The following PAIP2 variants were observed in gnomAD, a reference collection of about 807,000 sequenced individuals.
The protein encoded by PAIP2 is poly(A) binding protein interacting protein 2, also known as polyadenylate-binding protein-interacting protein 2.
Under a neutral mutation model 14.8 loss-of-function variants are expected in PAIP2, and 7 were observed. The observed-to-expected ratio is 0.47, with a 90% CI of 0.27 to 0.89. PAIP2 has a LOEUF of 0.89. Among genes scored for constraint, PAIP2 ranks in the 40% least tolerant of loss-of-function variants. PAIP2 has a pLI of 0.13. For synonymous variants in PAIP2, 47 were observed against 45.3 expected (o/e 1.04, Z -0.15); for missense variants, 122 against 154.7 (o/e 0.79, Z 1.12).
At chr5:139,366,162 C>T (rs1007167016) in intron 3 of PAIP2, among the ~76,000 whole-genome samples, 14 of 132,792 alleles carry the variant, frequency 1.1e-4, no homozygotes, top group African/African-American at 1.4e-4. Flanking sequence ...AAGATGGTGT[C>T]GTTGCACTCT....
intron 3 of PAIP2, among the ~76,000 whole-genome samples, chr5:139,368,400 G>C (rs1027909591): frequency 6.6e-6 from 1 of 151,592 alleles, no homozygotes; most frequent in Non-Finnish European, 1.5e-5. Flanking sequence ...GTGGTGGCAC[G>C]CGCCTGTAGT....
At chr5:139,367,968 C>G (rs1269665224) in intron 3 of PAIP2, among the ~76,000 whole-genome samples, 1 of 151,940 alleles carries the variant, frequency 6.6e-6, no homozygotes, top group Non-Finnish European at 1.5e-5. Context: ...TTTTAGGAGG[C>G]CGAGGCAGGC....
At chr5:139,356,540 G>A (rs201398486) in intron 1 of PAIP2, among the ~76,000 whole-genome samples, 2 of 151,630 alleles carry the variant, frequency 1.3e-5, no homozygotes, top group East Asian at 3.9e-4. Context: ...CCTGTGTATG[G>A]GCCATACTTT....
At chr5:139,346,776 C>T (rs762599372) in intron 1 of PAIP2, among the ~76,000 whole-genome samples, 3 of 151,930 alleles carry the variant, frequency 2.0e-5, no homozygotes, top group Admixed American at 1.3e-4. Flanking sequence ...GATCCACCCC[C>T]TTTGGCCTCC....
intron 1 of PAIP2, among the ~76,000 whole-genome samples, chr5:139,355,128 G>T (rs1455340122): frequency 7.0e-6 from 1 of 143,354 alleles, no homozygotes; most frequent in Non-Finnish European, 1.5e-5. Flanking sequence ...ACCTGGCCCA[G>T]TTTACTTTTA....
At chr5:139,360,772 CCTTT>C (rs1187390768) in intron 1 of PAIP2, among the ~76,000 whole-genome samples, 3 of 150,138 alleles carry the variant, frequency 2.0e-5, no homozygotes, top group South Asian at 2.1e-4. Flanking sequence ...TTTCTTCCTG[CCTTT>C]CTTTTTTTTT....
At chr5:139,351,654 G>A (rs1756738243) in intron 1 of PAIP2, among the ~76,000 whole-genome samples, 1 of 150,060 alleles carries the variant, frequency 6.7e-6, no homozygotes, top group African/African-American at 2.5e-5. Context: ...CTTTTTTTTT[G>A]TAAGTAGTGT....
chr5:139,357,622 A>G (rs1384989848), intron 1 of PAIP2, among the ~76,000 whole-genome samples: 1 of 152,094 alleles, frequency 6.6e-6, no homozygotes, highest in Non-Finnish European at 1.5e-5. Flanking sequence ...CACGAGGTCA[A>G]GAGATCGAGA....
Position 139,364,594 on chromosome 5 carries a change from A to G in PAIP2, c.169A>G (p.Ile57Val). Residue 57 changes from isoleucine (I) to valine (V), a missense_variant, in exon 3 of 4, where the codon ATT becomes GTT. Transcript: ENST00000265192. ...IEEELWEEEFIERCFQEMLEE... is the reference protein window; with the variant it reads ...IEEELWEEEFVERCFQEMLEE... ...AGAGGAGTTATGGGAAGAAGAATTT[A>G]TTGAACGCTGTTTCCAAGAAATGCT... 6.2e-7 allele frequency: 1 copy of G among 1,607,640 alleles called. No homozygotes were observed.
chr5:139,343,878 G>A (rs1321824553), intron 1 of PAIP2, among the ~76,000 whole-genome samples: 1 of 151,666 alleles, frequency 6.6e-6, no homozygotes, highest in Non-Finnish European at 1.5e-5. Context: ...CCACCACGCC[G>A]GCTAATTTTT....
At chr5:139,346,610 C>T (rs554264687) in intron 1 of PAIP2, among the ~76,000 whole-genome samples, 2 of 152,180 alleles carry the variant, frequency 1.3e-5, no homozygotes, top group Non-Finnish European at 2.9e-5. Context: ...CAGCTCACTG[C>T]AACCTCTGCC....
At chr5:139,354,536 C>A (rs1177008868) in intron 1 of PAIP2, among the ~76,000 whole-genome samples, 1 of 152,148 alleles carries the variant, frequency 6.6e-6, no homozygotes, top group Non-Finnish European at 1.5e-5. Flanking sequence ...TTCTTAGATA[C>A]ATAGATTTGT....
At chr5:139,347,366 C>T (rs1025594529) in intron 1 of PAIP2, among the ~76,000 whole-genome samples, 7 of 151,498 alleles carry the variant, frequency 4.6e-5, no homozygotes, top group African/African-American at 7.3e-5. Context: ...CTCCACCTCC[C>T]GAGTTCAAGC....
chr5:139,344,194 A>G (rs1255387779), intron 1 of PAIP2, among the ~76,000 whole-genome samples: 1 of 152,218 alleles, frequency 6.6e-6, no homozygotes, highest in Non-Finnish European at 1.5e-5. Context: ...CCAATGTCAC[A>G]GAGCTATGAT....
Position 139,360,347 on chromosome 5 carries a change from AAAT to A in PAIP2, c.-26-3409_-26-3407del, listed in dbSNP as rs1309037329. ...GTTTTTCATCCAAGTTTAATGATAA[AAAT>A]AACAGATATCCATTGTCTGTTTTCT... On this transcript the variant is annotated intron_variant, in intron 1 of 3. Coordinates refer to ENST00000265192, the MANE Select transcript of PAIP2 (RefSeq NM_016480.5). Among the ~76,000 whole-genome samples the A allele has an allele frequency of 2.0e-5, 3 of 152,192 alleles. No homozygotes were observed. In the East Asian group the frequency reaches 5.8e-4, roughly 29 times the overall value.
rs376114476 is a variant in PAIP2, at chr5:139,356,471, C to A, written c.-26-7288C>A. ...GTCAAAAATAATAAATAAATAAAGT[C>A]TTTGTCCAATGTAATATCTGGGCTC... On this transcript the variant is annotated intron_variant, in intron 1 of 3. Transcript: ENST00000265192. Among the ~76,000 whole-genome samples, 54 of 152,080 alleles carry A rather than the reference C, an allele frequency of 3.6e-4. No homozygotes were observed. The East Asian group carries it at 8.1e-3, about 23-fold the overall frequency.
chr5:139,353,585 C>G (rs991052932), intron 1 of PAIP2, among the ~76,000 whole-genome samples: 1 of 152,004 alleles, frequency 6.6e-6, no homozygotes, highest in Non-Finnish European at 1.5e-5. Context: ...TTCCTGTCGC[C>G]CACCATTATT....
At chr5:139,367,112 A>C (rs1437477513) in intron 3 of PAIP2, 1 of 152,214 alleles carries the variant, frequency 6.6e-6, no homozygotes, top group Non-Finnish European at 1.5e-5. Context: ...ACACTTTTAA[A>C]ATGTAGATAC....
chr5:139,362,542 C>G (rs1581318842), intron 1 of PAIP2, among the ~76,000 whole-genome samples: 1 of 151,718 alleles, frequency 6.6e-6, no homozygotes, highest in South Asian at 2.1e-4. Context: ...TCCGGAGTAG[C>G]TGGGATTACA....
Sources: gnomAD v4.1 joint callset for allele counts (sites outside exome capture counted in the v4.1 genomes callset) on GRCh38, gnomAD v4.1.1 for gene constraint, MANE v1.5 for transcripts, NCBI Gene and HGNC (gene_info 2026-07-23, HGNC 2026-07-21) for gene names.